The following P3H2 variants were observed in gnomAD, a reference collection of about 807,000 sequenced individuals.
P3H2 encodes leprecan-like 1.
P3H2 carries 80 observed loss-of-function variants against 87.0 expected under a neutral mutation model. That is an observed-to-expected ratio of 0.92 (90% CI 0.77 to 1.11). P3H2 has a LOEUF of 1.11. Ranked by LOEUF, P3H2 falls within the 50% of genes least tolerant of loss-of-function variation. The pLI is 0.00. For missense variants in P3H2, 1,001 were observed against 923.9 expected (o/e 1.08, Z -1.08); for synonymous variants, 367 against 359.3 (o/e 1.02, Z -0.24).
chr3:190,120,204 G>T lies in P3H2; in HGVS notation c.480+48C>A, dbSNP rs710596. ...GGCAGCAGGGAGGGCTCAAGAGAGC[G>T]TGTGAGAGCCGCAGGGGCTTTGCAG... On this transcript the variant is annotated intron_variant, in intron 1 of 14. Transcript: ENST00000319332. The T allele has an allele frequency of 1.9e-6, 3 of 1,588,356 alleles. No individual in the cohort carries two copies. In the East Asian group the frequency reaches 6.8e-5, roughly 36 times the overall value.
chr3:189,995,999 C>T, intron 1 of P3H2, among the ~76,000 whole-genome samples: 1 of 152,164 alleles, frequency 6.6e-6, no homozygotes, highest in East Asian at 1.9e-4. Context: ...CACCCTTATA[C>T]ACTGTTGGTA....
At chr3:190,028,520 G>A (rs911659437) in intron 1 of P3H2, among the ~76,000 whole-genome samples, 1 of 152,096 alleles carries the variant, frequency 6.6e-6, no homozygotes, top group African/African-American at 2.4e-5. Flanking sequence ...ATATCTGAGG[G>A]GCTCTCTCAG....
At chr3:189,983,536 T>C (rs1271099864) in intron 7 of P3H2, 2 of 175,198 alleles carry the variant, frequency 1.1e-5, no homozygotes, top group Non-Finnish European at 2.5e-5. Context: ...TGTCATAATG[T>C]AGTAGTTCTT....
chr3:189,985,206 C>T (rs929481191), intron 6 of P3H2, among the ~76,000 whole-genome samples: 78 of 151,904 alleles, frequency 5.1e-4, no homozygotes, highest in African/African-American at 1.7e-3. Context: ...AATGTATTAA[C>T]TTGTATATCA....
intron 1 of P3H2, among the ~76,000 whole-genome samples, chr3:190,083,880 A>C (rs1378062535): frequency 2.6e-5 from 4 of 152,208 alleles, no homozygotes; most frequent in Admixed American, 6.5e-5. Context: ...AAGTGAACGA[A>C]CAATAACCAC....
intron 1 of P3H2, among the ~76,000 whole-genome samples, chr3:190,038,187 G>A (rs949696797): frequency 6.7e-6 from 1 of 149,198 alleles, no homozygotes; most frequent in African/African-American, 2.5e-5. Flanking sequence ...CGCGAGCCGA[G>A]ATTGCGCCAC....
rs568935533 is a variant in P3H2 at position 189,957,867 on chromosome 3, A to T, written c.*45T>A. 77 of 1,341,376 alleles carry T rather than the reference A, an allele frequency of 5.7e-5. No individual in the cohort carries two copies. In the South Asian group the frequency reaches 8.1e-4, roughly 14 times the overall value. The allele number at this position is 1,341,376 out of a possible 1,614,324, so 83.1% of individuals were successfully genotyped here. A position where few individuals can be genotyped will look rare whatever the true frequency, so the allele number is the denominator to read the frequency against. ...ACAAAAATAAAAAGGTTCTCATAAG[A>T]TTAACAATTTAAATAAATATTTGAT... On this transcript the variant is annotated 3_prime_UTR_variant, in exon 15 of 15. Coordinates refer to ENST00000319332, the MANE Select transcript of P3H2 (RefSeq NM_018192.4).
intron 1 of P3H2, among the ~76,000 whole-genome samples, chr3:190,100,257 C>CTA (rs1303017749): frequency 7.4e-6 from 1 of 134,918 alleles, no homozygotes; most frequent in African/African-American, 2.9e-5. Context: ...GCCGCCCCCC[C>CTA]CCCCAAAAAA....
chr3:189,966,472 C>T (rs1723011762), intron 13 of P3H2, among the ~76,000 whole-genome samples: 2 of 152,188 alleles, frequency 1.3e-5, no homozygotes, highest in Admixed American at 1.3e-4. Flanking sequence ...CTGATTATAG[C>T]CGTGGATTCA....
At chr3:189,973,274 C>T (rs1723233123) in intron 10 of P3H2, 3 of 462,210 alleles carry the variant, frequency 6.5e-6, no homozygotes, top group African/African-American at 5.8e-5. Context: ...CTACCATCCT[C>T]TCTAACAACC....
intron 1 of P3H2, among the ~76,000 whole-genome samples, chr3:190,076,982 C>G (rs1470618249): frequency 6.6e-6 from 1 of 152,134 alleles, no homozygotes; most frequent in Non-Finnish European, 1.5e-5. Flanking sequence ...CAGGGTGTTA[C>G]TAAAAACTTT....
At chr3:190,083,919 G>A (rs1360012264) in intron 1 of P3H2, among the ~76,000 whole-genome samples, 3 of 152,146 alleles carry the variant, frequency 2.0e-5, no homozygotes, top group East Asian at 3.8e-4. Flanking sequence ...AAAAGGGTAC[G>A]TGGATGTTTT....
At chr3:190,121,207 C>T (rs919033299), upstream of P3H2, 1 of 154,340 alleles carries the variant, frequency 6.5e-6, no homozygotes, top group Non-Finnish European at 1.4e-5. Context: ...TGTATGGCCT[C>T]GCAGTTTGCA....
intron 1 of P3H2, among the ~76,000 whole-genome samples, chr3:190,053,560 C>T (rs1462280187): frequency 1.3e-5 from 2 of 151,048 alleles, no homozygotes; most frequent in East Asian, 2.0e-4. Flanking sequence ...TGGGTTCAAG[C>T]GATTCTCCTG....
chr3:189,981,311 C>T (rs1723527047), intron 8 of P3H2, among the ~76,000 whole-genome samples: 1 of 152,030 alleles, frequency 6.6e-6, no homozygotes, highest in Admixed American at 6.6e-5. Context: ...TGGGCTAAGC[C>T]CTTAACCTGT....
chr3:190,059,668 G>A (rs577517038), intron 1 of P3H2, among the ~76,000 whole-genome samples: 3 of 152,006 alleles, frequency 2.0e-5, no homozygotes, highest in South Asian at 2.1e-4. Flanking sequence ...CAATTCCCAC[G>A]AATGCTGGCC....
chr3:189,978,320 C>T (rs1278607923), intron 8 of P3H2, among the ~76,000 whole-genome samples: 1 of 152,092 alleles, frequency 6.6e-6, no homozygotes, highest in Non-Finnish European at 1.5e-5. Flanking sequence ...AAAATGTCTA[C>T]CAGTCTTAAG....
At chr3:190,079,167 C>G (rs778573888) in intron 1 of P3H2, among the ~76,000 whole-genome samples, 1 of 151,836 alleles carries the variant, frequency 6.6e-6, no homozygotes, top group Non-Finnish European at 1.5e-5. Flanking sequence ...ATGGTGAAAC[C>G]CTGTCTCTAC....
chr3:189,998,198 T>C (rs1003869919), intron 1 of P3H2, among the ~76,000 whole-genome samples: 6 of 151,940 alleles, frequency 3.9e-5, no homozygotes, highest in Admixed American at 2.6e-4. Flanking sequence ...GAGGATAGAG[T>C]AGGTGCTTCT....
Sources: gnomAD v4.1 joint callset for allele counts (sites outside exome capture counted in the v4.1 genomes callset) on GRCh38, gnomAD v4.1.1 for gene constraint, MANE v1.5 for transcripts, NCBI Gene and HGNC (gene_info 2026-07-23, HGNC 2026-07-21) for gene names.